TSNAX: variants seen among roughly 807,000 people sequenced by gnomAD.
TSNAX encodes translin-associated protein X.
Under a neutral mutation model 33.0 loss-of-function variants are expected in TSNAX, and 12 were observed. The observed-to-expected ratio is 0.36, with a 90% CI of 0.23 to 0.59. TSNAX has a LOEUF of 0.59. Ranked by LOEUF, TSNAX falls within the 20% of genes least tolerant of loss-of-function variation. TSNAX has a pLI of 0.74. For synonymous variants in TSNAX, 110 were observed against 117.2 expected (o/e 0.94, Z 0.40); for missense variants, 267 against 341.3 (o/e 0.78, Z 1.72).
rs745744924 is a variant in TSNAX, at chr1:231,532,131, A to AACACACACACACACACACACACACACAC, written c.121+2800_121+2827dup. 1.6e-3 allele frequency among the ~76,000 whole-genome samples: 137 copies of AACACACACACACACACACACACACACAC among 85,168 alleles called. 3 individuals carry two copies. Among genetic ancestry groups the AACACACACACACACACACACACACACAC allele is most frequent in the East Asian group, 7.1e-3 (10 of 1,408 alleles). The allele number at this position is 85,168 out of a possible 152,430, so 55.9% of individuals were successfully genotyped here. A position where few individuals can be genotyped will look rare whatever the true frequency, so the allele number is the denominator to read the frequency against. ...CGTTAATTAGCTTAATAGTGGTAATAACACACACACACACACACACACACA... is the reference window on the plus strand; with the variant it reads ...CGTTAATTAGCTTAATAGTGGTAATAACACACACACACACACACACACACACACACACACACACACACACACACACACA... On this transcript the variant is annotated intron_variant, in intron 2 of 5. Transcript: ENST00000366639.
intron 4 of TSNAX, among the ~76,000 whole-genome samples, chr1:231,544,942 G>C (rs139599864): frequency 0.013 from 2,007 of 152,004 alleles, 51 homozygotes; most frequent in African/African-American, 0.046. Context: ...TCTCTTTTAG[G>C]CCTTCGTTTA....
chr1:231,540,173 CA>C (rs10714707), intron 3 of TSNAX, among the ~76,000 whole-genome samples: 1,357 of 70,304 alleles, frequency 0.019, 2 homozygotes, highest in African/African-American at 0.047. Context: ...GACTCTGTCT[CA>C]AAAAAAAAAA....
At chr1:231,553,336 A>G (rs1308687372) in intron 4 of TSNAX, among the ~76,000 whole-genome samples, 1 of 152,240 alleles carries the variant, frequency 6.6e-6, no homozygotes, top group Non-Finnish European at 1.5e-5. Flanking sequence ...TTTCCCTGTT[A>G]TATGTTCTAA....
chr1:231,559,563 C>G (rs777185120), intron 4 of TSNAX, among the ~76,000 whole-genome samples: 1 of 152,166 alleles, frequency 6.6e-6, no homozygotes, highest in Non-Finnish European at 1.5e-5. Context: ...CTCCTGACCT[C>G]GTGACCCGCT....
intron 1 of TSNAX, among the ~76,000 whole-genome samples, 192 bp downstream of exon 1, chr1:231,529,018 T>C (rs1449707650): frequency 6.6e-6 from 1 of 152,184 alleles, no homozygotes; most frequent in Non-Finnish European, 1.5e-5. Context: ...TTTTGAGGTG[T>C]GATTTTATCC....
rs199609388 is a variant in TSNAX at position 231,537,384 on chromosome 1, G to T, written c.236+57G>T. Reference sequence around the variant, plus strand: ...TTGATACTAGCTATTAGAATATTCTGTGACTTTGTGAGGATTAGAAGACAT... The same window carrying T: ...TTGATACTAGCTATTAGAATATTCTTTGACTTTGTGAGGATTAGAAGACAT... On this transcript the variant is annotated intron_variant, in intron 3 of 5. Coordinates refer to ENST00000366639, the MANE Select transcript of TSNAX (RefSeq NM_005999.3). 666 of 1,161,672 alleles carry T rather than the reference G, an allele frequency of 5.7e-4. 9 individuals are homozygous for T. The highest frequency in any genetic ancestry group is 1.3e-4 in the Non-Finnish European group (104 of 798,028). 72.0% of individuals were successfully genotyped at this position (1,161,672 alleles called of 1,614,324 possible). A position where few individuals can be genotyped will look rare whatever the true frequency, so the allele number is the denominator to read the frequency against.
chr1:231,531,008 A>G lies in TSNAX; in HGVS notation c.121+1649A>G, dbSNP rs150028673. On this transcript the variant is annotated intron_variant, in intron 2 of 5. Transcript: ENST00000366639. The stretch of plus-strand genomic sequence containing the variant: ...AGTCTCTGTCACACAGGCTGAGATA[A>G]TAATTAGGCACGATCTTGGCTCACT... Among the ~76,000 whole-genome samples, 908 of 151,298 alleles carry G rather than the reference A, an allele frequency of 6.0e-3. 9 individuals carry two copies. Among genetic ancestry groups the G allele is most frequent in the African/African-American group, 0.021 (863 of 41,152 alleles).
chr1:231,558,440 C>G (rs1482605980), intron 4 of TSNAX, among the ~76,000 whole-genome samples: 4 of 152,114 alleles, frequency 2.6e-5, no homozygotes, highest in Non-Finnish European at 5.9e-5. Flanking sequence ...CTTTAAGTAT[C>G]CACCTCCTTC....
chr1:231,535,334 C>T (rs919231698), intron 2 of TSNAX: 12 of 152,006 alleles, frequency 7.9e-5, no homozygotes, highest in African/African-American at 2.7e-4. Flanking sequence ...TATTTAATAC[C>T]TTTTGCTCTA....
intron 4 of TSNAX, among the ~76,000 whole-genome samples, chr1:231,560,417 C>CG (rs1327927242): frequency 8.9e-5 from 8 of 90,196 alleles, no homozygotes; most frequent in Non-Finnish European, 1.5e-4. Flanking sequence ...CCCCCCCCCC[C>CG]CTTTTTTTTT....
At chr1:231,547,680 C>G (rs756896969) in intron 4 of TSNAX, among the ~76,000 whole-genome samples, 1 of 151,830 alleles carries the variant, frequency 6.6e-6, no homozygotes, top group African/African-American at 2.4e-5. Flanking sequence ...CCTGAGCCAC[C>G]GTGCCCAGCC....
intron 5 of TSNAX, among the ~76,000 whole-genome samples, chr1:231,563,152 C>T (rs1661218721): frequency 3.9e-5 from 6 of 152,168 alleles, no homozygotes; most frequent in Admixed American, 3.3e-4. Context: ...CTCATTAGTT[C>T]CTCAAATGCA....
At chr1:231,529,463 G>T in intron 2 of TSNAX, 104 bp downstream of exon 2, 4 of 1,212,578 alleles carry the variant, frequency 3.3e-6, no homozygotes, top group Non-Finnish European at 4.7e-6. Flanking sequence ...TGAAACTTTA[G>T]CTGGAGGTTT....
At chr1:231,556,846 C>T (rs202110568) in intron 4 of TSNAX, among the ~76,000 whole-genome samples, 1 of 152,156 alleles carries the variant, frequency 6.6e-6, no homozygotes, top group African/African-American at 2.4e-5. Flanking sequence ...TATGACTTAA[C>T]TATAGCATGA....
chr1:231,542,609 C>G lies in TSNAX; in HGVS notation c.365C>G (p.Thr122Arg). Residue 122 changes from threonine to arginine, a missense_variant and splice_region_variant, in exon 4 of 6, where the codon ACA (threonine) becomes AGA (arginine). Transcript: ENST00000366639. Reference protein sequence around the residue: ...DMHQFHRAITTGLQEYVEAVS... With the variant: ...DMHQFHRAITRGLQEYVEAVS... ...CATCAGTTCCATCGAGCCATTACTA[C>G]AGGTAAGTCTAGGTTTGTTTCAGGG... The G allele has an allele frequency of 6.2e-7, 1 of 1,613,544 alleles. No homozygotes were observed. Among genetic ancestry groups the G allele is most frequent in the Non-Finnish European group, 8.5e-7 (1 of 1,179,712 alleles).
chr1:231,533,169 C>T (rs1270696727), intron 2 of TSNAX, among the ~76,000 whole-genome samples: 1 of 145,156 alleles, frequency 6.9e-6, no homozygotes, highest in Non-Finnish European at 1.5e-5. Flanking sequence ...CAGGTTCAAG[C>T]AATTCTCCTG....
intron 4 of TSNAX, among the ~76,000 whole-genome samples, chr1:231,547,389 C>CTTTTTTTTTTTTTTTTTTTT (rs71179784): frequency 1.9e-5 from 2 of 104,700 alleles, no homozygotes; most frequent in Non-Finnish European, 1.9e-5. Flanking sequence ...TTTTTTTTTT[C>CTTTTTTTTTTTTTTTTTTTT]TTTTTTTTTT....
At chr1:231,560,124 C>T (rs542750899) in intron 4 of TSNAX, among the ~76,000 whole-genome samples, 188 of 151,386 alleles carry the variant, frequency 1.2e-3, no homozygotes, top group East Asian at 2.0e-3. Flanking sequence ...GGACTACAGG[C>T]GCCCGCCACC....
chr1:231,538,694 G>A (rs968461249), intron 3 of TSNAX, among the ~76,000 whole-genome samples: 1 of 152,114 alleles, frequency 6.6e-6, no homozygotes, highest in Admixed American at 6.5e-5. Context: ...TTAGCTTTTC[G>A]TTATTGAAGA....
Sources: gnomAD v4.1 joint callset for allele counts (sites outside exome capture counted in the v4.1 genomes callset) on GRCh38, gnomAD v4.1.1 for gene constraint, MANE v1.5 for transcripts, NCBI Gene and HGNC (gene_info 2026-07-23, HGNC 2026-07-21) for gene names.